RAD51B: variants seen among roughly 807,000 people sequenced by gnomAD.
RAD51B encodes the protein DNA repair protein RAD51 homolog 2.
RAD51B carries 38 observed loss-of-function variants against 42.2 expected under a neutral mutation model. That is an observed-to-expected ratio of 0.90 (90% confidence interval 0.70 to 1.18). The LOEUF is 1.18. RAD51B is among the 50% of genes most tolerant of loss of function. The probability of loss-of-function intolerance (pLI) is 0.00; values close to 1 mark genes in which losing one functional copy is unlikely to be tolerated. For missense variants in RAD51B, 373 were observed against 400.7 expected (o/e 0.93, Z 0.59); for synonymous variants, 154 against 145.2 (o/e 1.06, Z -0.43).
At chr14:68,586,932 G>C (rs956895607) in intron 10 of RAD51B, among the ~76,000 whole-genome samples, 2 of 152,082 alleles carry the variant, frequency 1.3e-5, no homozygotes, top group Non-Finnish European at 2.9e-5. Flanking sequence ...TTGAACCTAG[G>C]AGGCAGAGGT....
intron 3 of RAD51B, among the ~76,000 whole-genome samples, chr14:67,833,476 C>T (rs1445706029): frequency 1.3e-5 from 2 of 152,182 alleles, no homozygotes; most frequent in African/African-American, 4.8e-5. Flanking sequence ...TCAAGACCCT[C>T]AGTGGATGTT....
intron 7 of RAD51B, among the ~76,000 whole-genome samples, chr14:68,274,812 T>G (rs986532898): frequency 6.6e-6 from 1 of 152,254 alleles, no homozygotes; most frequent in African/African-American, 2.4e-5. Flanking sequence ...TAACTTGTTC[T>G]GCTAGATCTT....
intron 11 of RAD51B, among the ~76,000 whole-genome samples, chr14:68,673,554 A>C (rs1210786861): frequency 6.6e-6 from 1 of 151,978 alleles, no homozygotes; most frequent in Non-Finnish European, 1.5e-5. Context: ...ATATGTACAC[A>C]CATATGTATG....
chr14:68,379,162 A>G (rs941072259), intron 8 of RAD51B, among the ~76,000 whole-genome samples: 5 of 152,232 alleles, frequency 3.3e-5, no homozygotes, highest in Non-Finnish European at 7.3e-5. Flanking sequence ...GCCATTATTT[A>G]CTAAAATAGC....
chr14:68,046,292 C>T (rs1267304145), intron 7 of RAD51B, among the ~76,000 whole-genome samples: 1 of 152,044 alleles, frequency 6.6e-6, no homozygotes, highest in African/African-American at 2.4e-5. Flanking sequence ...TCAGCTAATT[C>T]TTTTTGTAGA....
chr14:68,156,455 T>TTCTCTCTCCCTCTCTC (rs2078508626), intron 7 of RAD51B, among the ~76,000 whole-genome samples: 4 of 114,266 alleles, frequency 3.5e-5, no homozygotes, highest in African/African-American at 1.0e-4. Context: ...CTTAGAAAAT[T>TTCTCTCTCCCTCTCTC]TCTCTCTCTC....
intron 7 of RAD51B, among the ~76,000 whole-genome samples, chr14:68,166,246 T>A (rs1301615535): frequency 2.7e-5 from 4 of 150,700 alleles, no homozygotes; most frequent in Admixed American, 2.0e-4. Context: ...CTGACAGGCA[T>A]GTTGTGAAAA....
intron 7 of RAD51B, among the ~76,000 whole-genome samples, chr14:68,189,977 T>C (rs1454310479): frequency 1.3e-5 from 2 of 152,192 alleles, no homozygotes; most frequent in Non-Finnish European, 2.9e-5. Context: ...CCCTTAAATT[T>C]AAATTCCCTT....
chr14:68,174,568 CATTGGAAAT>C (rs953116873), intron 7 of RAD51B, among the ~76,000 whole-genome samples: 5 of 152,064 alleles, frequency 3.3e-5, no homozygotes, highest in African/African-American at 1.2e-4. Context: ...GGATAGGATA[CATTGGAAAT>C]ACTGAACAAT....
chr14:68,099,775 G>A (rs957563899), intron 7 of RAD51B, among the ~76,000 whole-genome samples: 9 of 152,212 alleles, frequency 5.9e-5, no homozygotes, highest in African/African-American at 2.2e-4. Flanking sequence ...GGAACTTAAT[G>A]CTGCGGTTGT....
intron 7 of RAD51B, among the ~76,000 whole-genome samples, chr14:68,088,946 G>A (rs1280637290): frequency 2.7e-5 from 4 of 149,078 alleles, no homozygotes; most frequent in African/African-American, 1.0e-4. Context: ...TTAAAAGTCT[G>A]TGGAGGGATC....
intron 8 of RAD51B, among the ~76,000 whole-genome samples, chr14:68,333,528 C>A (rs1162800312): frequency 6.6e-6 from 1 of 152,212 alleles, no homozygotes; most frequent in Non-Finnish European, 1.5e-5. Context: ...AGCCCAGCAG[C>A]TACACTTCTA....
At chr14:68,139,245 C>T (rs145625724) in intron 7 of RAD51B, among the ~76,000 whole-genome samples, 18 of 151,504 alleles carry the variant, frequency 1.2e-4, no homozygotes, top group Admixed American at 4.6e-4. Flanking sequence ...AATTTCAAAA[C>T]ATCTCTGGAG....
intron 7 of RAD51B, among the ~76,000 whole-genome samples, chr14:68,178,788 CCT>C (rs2079006928): frequency 6.6e-6 from 1 of 152,132 alleles, no homozygotes; most frequent in South Asian, 2.1e-4. Context: ...TTTCATTGCC[CCT>C]GTTTTGTGTG....
At chr14:67,888,101 A>T (rs992691484) in intron 7 of RAD51B, among the ~76,000 whole-genome samples, 1 of 152,218 alleles carries the variant, frequency 6.6e-6, no homozygotes, top group African/African-American at 2.4e-5. Context: ...ATAAACTATC[A>T]CACAGCCTTT....
intron 10 of RAD51B, among the ~76,000 whole-genome samples, chr14:68,572,070 T>G (rs142510652): frequency 0.014 from 2,093 of 152,318 alleles, 24 homozygotes; most frequent in Non-Finnish European, 0.017. Flanking sequence ...CAGACCCCAG[T>G]GTGTGGCTGT....
chr14:68,664,973 G>A (rs1211265433), intron 11 of RAD51B, among the ~76,000 whole-genome samples: 1 of 152,158 alleles, frequency 6.6e-6, no homozygotes, highest in Non-Finnish European at 1.5e-5. Flanking sequence ...CCTAAGCCCT[G>A]CCATGTTCCT....
chr14:68,122,407 A>T (rs1436894544), intron 7 of RAD51B, among the ~76,000 whole-genome samples: 1 of 152,222 alleles, frequency 6.6e-6, no homozygotes, highest in African/African-American at 2.4e-5. Context: ...TGGGTAAAGG[A>T]TAAGGACAGA....
At chr14:67,941,575 G>T (rs541852995) in intron 7 of RAD51B, among the ~76,000 whole-genome samples, 6 of 152,222 alleles carry the variant, frequency 3.9e-5, no homozygotes, top group African/African-American at 1.4e-4. Context: ...TCTTAAACTT[G>T]CCTAATTACA....
Sources: gnomAD v4.1 joint callset for allele counts (sites outside exome capture counted in the v4.1 genomes callset) on GRCh38, gnomAD v4.1.1 for gene constraint, MANE v1.5 for transcripts, NCBI Gene and HGNC (gene_info 2026-07-23, HGNC 2026-07-21) for gene names.